CACNA1C: variants seen among roughly 807,000 people sequenced by gnomAD.
CACNA1C encodes voltage-dependent L-type calcium channel subunit alpha-1C.
A neutral mutation model predicts 229.0 loss-of-function variants in CACNA1C; 30 were observed. The observed-to-expected ratio is 0.13, with a 90% CI of 0.10 to 0.18. The LOEUF is 0.18. CACNA1C is among the 10% of genes least tolerant of loss of function. CACNA1C has a pLI of 1.00. For synonymous variants in CACNA1C, 1,114 were observed against 1,132.5 expected, an observed-to-expected ratio of 0.98 and a Z score of 0.33; for missense variants, 1,658 against 2,845.0, an observed-to-expected ratio of 0.58 and a Z score of 9.49.
intron 3 of CACNA1C, among the ~76,000 whole-genome samples, chr12:2,229,838 G>A (rs935078791): frequency 6.6e-6 from 1 of 152,176 alleles, no homozygotes; most frequent in Non-Finnish European, 1.5e-5. Flanking sequence ...CGAGGCGGGC[G>A]GAGCAGGGCG....
chr12:2,315,434 G>GT (rs1471893153), intron 3 of CACNA1C, among the ~76,000 whole-genome samples: 3 of 152,224 alleles, frequency 2.0e-5, no homozygotes, highest in African/African-American at 7.2e-5. Context: ...ACATGCCACA[G>GT]TTTGTGTTTT....
chr12:2,193,671 G>A (rs537316316), intron 3 of CACNA1C, among the ~76,000 whole-genome samples: 11 of 152,304 alleles, frequency 7.2e-5, no homozygotes, highest in African/African-American at 2.2e-4. Context: ...GGCCTCTGCA[G>A]CCCACCCAGC....
At chr12:2,577,240 G>A (rs1477910534) in intron 13 of CACNA1C, among the ~76,000 whole-genome samples, 1 of 152,224 alleles carries the variant, frequency 6.6e-6, no homozygotes, top group East Asian at 1.9e-4. Flanking sequence ...TGGTCCCCAG[G>A]ACAGTGTCTT....
chr12:2,003,905 T>C (rs922116280), intron 1 of CACNA1C, among the ~76,000 whole-genome samples: 3 of 152,036 alleles, frequency 2.0e-5, no homozygotes, highest in African/African-American at 7.2e-5. Context: ...TGTCCCTGCC[T>C]CCCCCATAGC....
At chr12:2,468,793 A>C (rs954275057) in intron 5 of CACNA1C, among the ~76,000 whole-genome samples, 1 of 152,232 alleles carries the variant, frequency 6.6e-6, no homozygotes, top group South Asian at 2.1e-4. Flanking sequence ...CCAGGGATCT[A>C]AGTCTGGCCA....
At chr12:2,385,461 A>T (rs1020725478) in intron 3 of CACNA1C, among the ~76,000 whole-genome samples, 5 of 151,652 alleles carry the variant, frequency 3.3e-5, no homozygotes, top group African/African-American at 9.7e-5. Flanking sequence ...TATCCCCCTC[A>T]CCTTATCCAC....
rs2067833350 is a variant in CACNA1C, at chr12:2,595,738, A to C, written c.2664-136A>C. The C allele has an allele frequency of 1.5e-6, 1 of 671,118 alleles. No homozygotes were observed. Among genetic ancestry groups the C allele is most frequent in the Non-Finnish European group, 2.5e-6 (1 of 402,106 alleles). The allele number at this position is 671,118 out of a possible 1,614,324, so 41.6% of individuals were successfully genotyped here. ...CAAGCAGCAGTAAGACTTCAGAATG[A>C]AGAGGTCACTTCAGGCCAACAAGCA... On this transcript the variant is annotated intron_variant, in intron 19 of 46. Transcript: ENST00000399655. The surrounding 1 kb of genome is among the most constrained non-coding windows in gnomAD (Gnocchi z 4.1).
rs768900123 is a variant in CACNA1C, at chr12:2,488,495, A to G, written c.916+2233A>G. On this transcript the variant is annotated intron_variant, in intron 6 of 46. Coordinates refer to ENST00000399655, the MANE Select transcript of CACNA1C (RefSeq NM_000719.7). This position sits in a 1 kb window ranked among gnomAD's most constrained non-coding sequence, Gnocchi z 4.0. ...ACAAAGATAAGACTTGGCCTCCCCA[A>G]TTGGAATGGCCAATTTAGGATCACA... Among the ~76,000 whole-genome samples the G allele has an allele frequency of 3.9e-5, 6 of 152,186 alleles. No homozygotes were observed. The highest frequency in any genetic ancestry group is 7.4e-5 in the Non-Finnish European group (5 of 68,022).
chr12:2,101,104 G>T (rs1327928885), intron 1 of CACNA1C, among the ~76,000 whole-genome samples: 2 of 151,856 alleles, frequency 1.3e-5, no homozygotes, highest in East Asian at 3.9e-4. Flanking sequence ...AACAATTTCT[G>T]TATTATTTCA....
At chr12:2,118,794 C>A (rs2085176735) in intron 2 of CACNA1C, among the ~76,000 whole-genome samples, 1 of 152,190 alleles carries the variant, frequency 6.6e-6, no homozygotes, top group African/African-American at 2.4e-5. Context: ...GGGTTCCGGT[C>A]CAGGCTCTGC....
chr12:2,612,237 C>T, intron 29 of CACNA1C: 1 of 511,788 alleles, frequency 2.0e-6, no homozygotes, highest in Non-Finnish European at 3.5e-6. Flanking sequence ...CCCTGGCTGG[C>T]ATGCACAAGC....
At chr12:2,247,031 A>AAATTTT (rs2073619934) in intron 3 of CACNA1C, among the ~76,000 whole-genome samples, 1 of 152,202 alleles carries the variant, frequency 6.6e-6, no homozygotes, top group Non-Finnish European at 1.5e-5. Flanking sequence ...ACTTAAGCTA[A>AAATTTT]GACTATAAAG....
intron 39 of CACNA1C, among the ~76,000 whole-genome samples, 151 bp downstream of exon 39, chr12:2,674,793 C>G (rs1041267754): frequency 4.6e-5 from 7 of 152,176 alleles, no homozygotes; most frequent in African/African-American, 1.4e-4. Context: ...GGTCTGCCTT[C>G]AGACCCTTCC....
chr12:2,068,849 C>T (rs996099448), intron 1 of CACNA1C, among the ~76,000 whole-genome samples: 3 of 152,152 alleles, frequency 2.0e-5, no homozygotes, highest in Non-Finnish European at 4.4e-5. Flanking sequence ...TGGGTCTGGG[C>T]AACAAAAGGC....
At chr12:2,032,613 G>A (rs1714287772) in intron 1 of CACNA1C, among the ~76,000 whole-genome samples, 2 of 152,152 alleles carry the variant, frequency 1.3e-5, no homozygotes, top group Admixed American at 6.5e-5. Flanking sequence ...TGTTCATTGG[G>A]GCTGCAATAT....
intron 1 of CACNA1C, among the ~76,000 whole-genome samples, chr12:2,079,592 C>T (rs2064669089): frequency 6.6e-6 from 1 of 152,152 alleles, no homozygotes; most frequent in African/African-American, 2.4e-5. Flanking sequence ...GAAGGCCGCA[C>T]CTCCTCATAC....
chr12:2,012,050 G>A (rs1421157018), intron 1 of CACNA1C, among the ~76,000 whole-genome samples: 1 of 152,146 alleles, frequency 6.6e-6, no homozygotes, highest in African/African-American at 2.4e-5. Context: ...TTTTCACCTT[G>A]TCATTGATTT....
Position 2,651,865 on chromosome 12 carries a change from C to T in CACNA1C, c.4074+97C>T. ...AAGGAGGAGCCCTCCACTCTGGGGC[C>T]CTGCTCCTTCCTCTGTGTGGCAGAA... On this transcript the variant is annotated intron_variant, in intron 32 of 46. Coordinates refer to ENST00000399655, the MANE Select transcript of CACNA1C (RefSeq NM_000719.7). The surrounding 1 kb of genome is among the most constrained non-coding windows in gnomAD (Gnocchi z 5.4). 1 of 935,924 alleles carries T rather than the reference C, an allele frequency of 1.1e-6. No homozygotes were observed. The highest frequency in any genetic ancestry group is 1.7e-5 in the South Asian group (1 of 57,324). The allele number at this position is 935,924 out of a possible 1,614,324, so 58.0% of individuals were successfully genotyped here.
chr12:2,486,186 C>T lies in CACNA1C; in HGVS notation c.840C>T (p.Ile280=). 2 of 1,613,848 alleles carry T rather than the reference C, an allele frequency of 1.2e-6. No individual in the cohort carries two copies. The highest frequency in any genetic ancestry group is 1.7e-6 in the Non-Finnish European group (2 of 1,179,798). Reference sequence around the variant, plus strand: ...CCCTGCTTGTGCTGTTTGTCATCATCATCTACGCCATCATCGGCTTGGAGC... The same window carrying T: ...CCCTGCTTGTGCTGTTTGTCATCATTATCTACGCCATCATCGGCTTGGAGC... The part of the protein sequence containing the change: ...HIALLVLFVI[I]IYAIIGLELF... The change falls in exon 6 of 47, where the codon ATC becomes ATT. Residue 280 remains isoleucine (I), a synonymous_variant. Coordinates refer to ENST00000399655, the MANE Select transcript of CACNA1C (RefSeq NM_000719.7). This position sits in a 1 kb window ranked among gnomAD's most constrained non-coding sequence, Gnocchi z 4.9.
Sources: gnomAD v4.1 joint callset for allele counts (sites outside exome capture counted in the v4.1 genomes callset) on GRCh38, gnomAD v4.1.1 for gene constraint, Gnocchi (gnomAD v3.1) non-coding constraint, MANE v1.5 for transcripts, NCBI Gene and HGNC (gene_info 2026-07-23, HGNC 2026-07-21) for gene names.